Variants in VAV2 observed in about 807,000 individuals in gnomAD.
VAV2 encodes the protein guanine nucleotide exchange factor VAV2.
VAV2 carries 67 observed loss-of-function variants against 132.5 expected under a neutral mutation model. The ratio of observed to expected loss-of-function variants is 0.51; its 90% CI spans 0.42 to 0.62. The LOEUF is 0.62. Ranked by LOEUF, VAV2 falls within the 20% of genes least tolerant of loss-of-function variation. The probability of loss-of-function intolerance (pLI) is 0.00; values close to 1 mark genes in which losing one functional copy is unlikely to be tolerated. For synonymous variants in VAV2, 492 were observed against 443.5 expected, an observed-to-expected ratio of 1.11 and a Z score of -1.37; for missense variants, 938 against 1,153.6, an observed-to-expected ratio of 0.81 and a Z score of 2.71.
intron 13 of VAV2, among the ~76,000 whole-genome samples, chr9:133,789,632 T>C (rs1235179676): frequency 2.0e-5 from 3 of 152,106 alleles, no homozygotes; most frequent in African/African-American, 4.8e-5. Flanking sequence ...GTGCCGGTTG[T>C]GTTCACAGAG....
chr9:133,938,438 A>G (rs1237432351), intron 2 of VAV2, among the ~76,000 whole-genome samples: 1 of 152,158 alleles, frequency 6.6e-6, no homozygotes, highest in Non-Finnish European at 1.5e-5. Flanking sequence ...GAGGCCACCA[A>G]TGAACTACAG....
intron 1 of VAV2, among the ~76,000 whole-genome samples, chr9:133,970,594 T>C (rs2492063): frequency 0.76 from 116,080 of 151,976 alleles, 44,545 homozygotes; most frequent in East Asian, 0.92. Flanking sequence ...GAGATGGAGG[T>C]GGCTCCTTCC....
intron 1 of VAV2, among the ~76,000 whole-genome samples, chr9:133,985,592 C>T (rs1282843951): frequency 2.0e-5 from 3 of 152,164 alleles, no homozygotes; most frequent in African/African-American, 7.2e-5. Context: ...CTGATCTTGC[C>T]TTCTAAATAC....
At chr9:133,854,166 T>A (rs951375887) in intron 3 of VAV2, among the ~76,000 whole-genome samples, 16 of 146,876 alleles carry the variant, frequency 1.1e-4, no homozygotes, top group Non-Finnish European at 2.1e-4. Context: ...CATCTGCATA[T>A]GCACACACAC....
intron 1 of VAV2, among the ~76,000 whole-genome samples, chr9:133,982,710 C>T (rs1842737140): frequency 6.6e-6 from 1 of 152,162 alleles, no homozygotes; most frequent in South Asian, 2.1e-4. Flanking sequence ...TTCATAGGGC[C>T]CGCCGCCTGG....
chr9:133,946,891 C>T (rs1280851524), intron 1 of VAV2, among the ~76,000 whole-genome samples: 2 of 152,140 alleles, frequency 1.3e-5, no homozygotes, highest in Non-Finnish European at 2.9e-5. Flanking sequence ...CAGGTGCTCA[C>T]GGAGACAGGA....
At chr9:133,839,403 G>GATCCC (rs1323600173) in intron 3 of VAV2, among the ~76,000 whole-genome samples, 4 of 152,030 alleles carry the variant, frequency 2.6e-5, no homozygotes, top group Non-Finnish European at 5.9e-5. Flanking sequence ...ATATTCTCAG[G>GATCCC]CTGCTCTTAA....
intron 1 of VAV2, among the ~76,000 whole-genome samples, chr9:133,951,334 G>C (rs1364516488): frequency 6.6e-6 from 1 of 152,214 alleles, no homozygotes; most frequent in Non-Finnish European, 1.5e-5. Context: ...ACCCAGCAGG[G>C]TCAGAGCAGG....
intron 2 of VAV2, among the ~76,000 whole-genome samples, chr9:133,881,922 G>A (rs1415435827): frequency 1.6e-4 from 25 of 152,148 alleles, no homozygotes; most frequent in Non-Finnish European, 4.4e-5. Context: ...AGGGCGCCTG[G>A]CACAGGATCC....
chr9:133,876,577 G>T (rs1271555378), intron 2 of VAV2, among the ~76,000 whole-genome samples: 2 of 152,248 alleles, frequency 1.3e-5, no homozygotes, highest in Non-Finnish European at 2.9e-5. Flanking sequence ...CAAGGAGCTG[G>T]CCTCGCCTGG....
chr9:133,834,717 C>T lies in VAV2; in HGVS notation c.381-377G>A, dbSNP rs187647382. Among the ~76,000 whole-genome samples the T allele has an allele frequency of 1.3e-5, 2 of 152,348 alleles. No homozygotes were observed. The highest frequency in any genetic ancestry group is 2.1e-4 in the South Asian group (1 of 4,832). On this transcript the variant is annotated intron_variant, in intron 3 of 29. Coordinates refer to ENST00000371850, the MANE Select transcript of VAV2 (RefSeq NM_001134398.2). This position sits in a 1 kb window ranked among gnomAD's most constrained non-coding sequence, Gnocchi z 5.9. Reference sequence around the variant, plus strand: ...CAGGGGGTTCACAGTGGAGATGAGGCTCCTCGCACACCTCCTGGTGGGCAG... The same window carrying T: ...CAGGGGGTTCACAGTGGAGATGAGGTTCCTCGCACACCTCCTGGTGGGCAG...
At chr9:133,847,417 T>G (rs1836977702) in intron 3 of VAV2, among the ~76,000 whole-genome samples, 2 of 152,336 alleles carry the variant, frequency 1.3e-5, no homozygotes, top group African/African-American at 4.8e-5. Flanking sequence ...GGTTGAGGCC[T>G]GCCTCAGTCT....
chr9:133,782,094 AT>A (rs1834028751), intron 19 of VAV2, among the ~76,000 whole-genome samples: 1 of 145,860 alleles, frequency 6.9e-6, no homozygotes, highest in African/African-American at 2.5e-5. Context: ...GTAATTAATA[AT>A]CCGGCGGGGG....
chr9:133,853,868 ACT>A (rs1837280505), intron 3 of VAV2, among the ~76,000 whole-genome samples: 2 of 151,312 alleles, frequency 1.3e-5, no homozygotes, highest in Admixed American at 1.3e-4. Context: ...GATCCAAAAC[ACT>A]CTGGGTGCCT....
intron 2 of VAV2, among the ~76,000 whole-genome samples, chr9:133,866,305 C>T (rs739466): frequency 0.26 from 38,932 of 152,130 alleles, 7,220 homozygotes; most frequent in African/African-American, 0.53. Flanking sequence ...AGGGATTCTA[C>T]GTGTTGGGGG....
At chr9:133,949,003 C>A (rs112450968) in intron 1 of VAV2, among the ~76,000 whole-genome samples, 1 of 152,130 alleles carries the variant, frequency 6.6e-6, no homozygotes, top group Non-Finnish European at 1.5e-5. Context: ...GGCTGGCTTG[C>A]GTGAAGGCAG....
chr9:133,919,018 C>T lies in VAV2; in HGVS notation c.321+20085G>A, dbSNP rs555371047. Reference sequence around the variant, plus strand: ...TCGAACTCCTGACCTTGTGATCCTCCCACCTCGGCCTCCCAAAGTGCTGGG... The same window carrying T: ...TCGAACTCCTGACCTTGTGATCCTCTCACCTCGGCCTCCCAAAGTGCTGGG... On this transcript the variant is annotated intron_variant, in intron 2 of 29. Coordinates refer to ENST00000371850, the MANE Select transcript of VAV2 (RefSeq NM_001134398.2). The surrounding 1 kb of genome is among the most constrained non-coding windows in gnomAD (Gnocchi z 5.8). Among the ~76,000 whole-genome samples the T allele has an allele frequency of 6.6e-6, 1 of 152,232 alleles. No homozygotes were observed. Among genetic ancestry groups the T allele is most frequent in the South Asian group, 2.1e-4 (1 of 4,830 alleles).
chr9:133,784,940 G>A (rs1450804053), intron 17 of VAV2, among the ~76,000 whole-genome samples: 4 of 152,108 alleles, frequency 2.6e-5, no homozygotes, highest in Non-Finnish European at 4.4e-5. Context: ...CCATCACGTC[G>A]CTTCAGCTTC....
intron 18 of VAV2, among the ~76,000 whole-genome samples, chr9:133,783,857 T>TC (rs1246729665): frequency 2.1e-5 from 3 of 144,630 alleles, no homozygotes; most frequent in Admixed American, 2.1e-4. Context: ...GATCTGAAAC[T>TC]CTAAGGGCTT....
Sources: allele counts gnomAD v4.1 joint callset (sites outside exome capture counted in the v4.1 genomes callset), GRCh38; gene constraint gnomAD v4.1.1; non-coding constraint Gnocchi (gnomAD v3.1); transcripts MANE v1.5; gene names NCBI Gene and HGNC (gene_info 2026-07-23, HGNC 2026-07-21).